The following ARHGEF40 variants were observed in gnomAD, a reference collection of about 807,000 sequenced individuals.
ARHGEF40 encodes Rho guanine nucleotide exchange factor (GEF) 40.
Under a neutral mutation model 165.9 loss-of-function variants are expected in ARHGEF40, and 98 were observed. The ratio of observed to expected loss-of-function variants is 0.59; its 90% CI spans 0.50 to 0.70. The LOEUF (loss-of-function observed/expected upper bound fraction) is 0.70, where lower values mean the gene tolerates loss of function less well. Among genes scored for constraint, ARHGEF40 ranks in the 30% least tolerant of loss-of-function variants. ARHGEF40 has a pLI of 0.00. For synonymous variants in ARHGEF40, 792 were observed against 814.3 expected (o/e 0.97, Z 0.47); for missense variants, 1,815 against 1,968.0 (o/e 0.92, Z 1.47).
In ARHGEF40 at chr14:21,088,846, T is replaced by G; in HGVS notation, c.4535T>G (p.Leu1512Arg). Residue 1512 changes from leucine to arginine, a missense_variant, in exon 23 of 24, where the codon CTG becomes CGG. Leu to Arg is a moderately radical substitution (Grantham distance 102, BLOSUM62 -2). Transcript: ENST00000298694. Reference protein sequence around the residue: ...GLSRQSHARALSDPTTPL With the variant: ...GLSRQSHARARSDPTTPL Reference sequence around the variant, plus strand: ...TCCCCCCAGAGTCATGCTCGAGCCCTGAGTGACCCCACCACGCCTCTGTGA... The same window carrying G: ...TCCCCCCAGAGTCATGCTCGAGCCCGGAGTGACCCCACCACGCCTCTGTGA... 1 of 1,613,306 alleles carries G rather than the reference T, an allele frequency of 6.2e-7. No individual in the cohort carries two copies. The highest frequency in any genetic ancestry group is 8.5e-7 in the Non-Finnish European group (1 of 1,179,418).
chr14:21,073,030 G>A lies in ARHGEF40; in HGVS notation c.4-15G>A, dbSNP rs1238860679. The A allele has an allele frequency of 6.2e-7, 1 of 1,611,384 alleles. No individual in the cohort carries two copies. Among genetic ancestry groups the A allele is most frequent in the African/African-American group, 1.3e-5 (1 of 74,974 alleles). ...GTGATCTCTAGGGATCTGTAGCCTG[G>A]TCCTATCTCTACAGGAGCCTGAGCC... On this transcript the variant is annotated splice_polypyrimidine_tract_variant and intron_variant, in intron 1 of 23. Coordinates refer to ENST00000298694, the MANE Select transcript of ARHGEF40 (RefSeq NM_018071.5). This position sits in a 1 kb window ranked among gnomAD's most constrained non-coding sequence, Gnocchi z 4.6.
chr14:21,061,986 CTT>C, the ARHGEF40 span, among the ~76,000 whole-genome samples: 1 of 152,168 alleles, frequency 6.6e-6, no homozygotes, highest in East Asian at 1.9e-4. Context: ...TAAAATATCT[CTT>C]TTAATGTTTA....
chr14:21,074,690 A>C lies in ARHGEF40; in HGVS notation c.960A>C (p.Pro320=), dbSNP rs368911475. ...CCGGAGCCTCCCCTGAGTCTCCCCC[A>C]GGAGCTGAGGCTGTCCCAGAGGCAG... ...SSTGASPESP[P]GAEAVPEAAV... The change falls in exon 3 of 24, where the codon CCA becomes CCC. Residue 320 remains proline, a synonymous_variant. Coordinates refer to ENST00000298694, the MANE Select transcript of ARHGEF40 (RefSeq NM_018071.5). The surrounding 1 kb of genome is among the most constrained non-coding windows in gnomAD (Gnocchi z 4.8). The C allele has an allele frequency of 1.9e-6, 3 of 1,583,916 alleles. No homozygotes were observed. The highest frequency in any genetic ancestry group is 2.6e-6 in the Non-Finnish European group (3 of 1,166,274).
rs780441288 is a variant in ARHGEF40, at chr14:21,080,674, C to T, written c.2388C>T (p.Leu796=). 8.1e-6 allele frequency: 13 copies of T among 1,610,698 alleles called. No individual in the cohort carries two copies. Among genetic ancestry groups the T allele is most frequent in the Non-Finnish European group, 5.9e-6 (7 of 1,179,140 alleles). The change falls in exon 12 of 24, where the codon CTC becomes CTT. Residue 796 remains leucine (L), a synonymous_variant. Transcript: ENST00000298694. ...ATCTGCCTCAGGTGTTGCAGTGGCTCTCGGGCCCAGGGGAGGAGCAGCTGG... is the reference window on the plus strand; with the variant it reads ...ATCTGCCTCAGGTGTTGCAGTGGCTTTCGGGCCCAGGGGAGGAGCAGCTGG... The part of the protein sequence containing the change: ...LRRLQQVLQW[L]SGPGEEQLAS...
intron 19 of ARHGEF40, 193 bp from the exon 20 acceptor site, chr14:21,086,808 A>G: frequency 1.8e-6 from 1 of 558,972 alleles, no homozygotes; most frequent in East Asian, 2.9e-5. Flanking sequence ...CTGAGGAGGA[A>G]GTCACACCAT....
chr14:21,064,865 C>T, the ARHGEF40 span, among the ~76,000 whole-genome samples: 13 of 152,200 alleles, frequency 8.5e-5, no homozygotes, highest in African/African-American at 2.7e-4. Context: ...TGATGGTCCA[C>T]ATCTGTCTTA....
At chr14:21,063,487 T>C in the ARHGEF40 span, among the ~76,000 whole-genome samples, 4 of 152,266 alleles carry the variant, frequency 2.6e-5, no homozygotes, top group South Asian at 6.2e-4. Context: ...GGGGGTCTTA[T>C]GCGTATGTTC....
upstream of ARHGEF40, among the ~76,000 whole-genome samples, chr14:21,069,538 T>G (rs1370659585): frequency 6.6e-6 from 1 of 152,156 alleles, no homozygotes; most frequent in Non-Finnish European, 1.5e-5. Context: ...TGCACGCCCC[T>G]ACATAAGCAT....
At position 21,089,816 on chromosome 14, in the gene ARHGEF40, A is replaced by G. The variant is rs1406293785; in HGVS notation, c.*808A>G. On this transcript the variant is annotated 3_prime_UTR_variant, in exon 24 of 24. Transcript: ENST00000298694. ...TTGAGGCTGAACTGGTCACAGACAAACTGGGATCCAGCACAGTCCAGCAGT... is the reference window on the plus strand; with the variant it reads ...TTGAGGCTGAACTGGTCACAGACAAGCTGGGATCCAGCACAGTCCAGCAGT... The G allele has an allele frequency of 1.3e-5, 2 of 156,496 alleles. No individual in the cohort carries two copies. Among genetic ancestry groups the G allele is most frequent in the Non-Finnish European group, 2.8e-5 (2 of 70,804 alleles). The allele number at this position is 156,496 out of a possible 1,614,324, so 9.7% of individuals were successfully genotyped here.
rs540577398 is a variant in ARHGEF40, at chr14:21,089,065, G to A, written c.*57G>A. Reference sequence around the variant, plus strand: ...TCTCCTCTCAGCACACTTTGGGCTGGGATGGCAGTGGGGCATAATGGAGCC... The same window carrying A: ...TCTCCTCTCAGCACACTTTGGGCTGAGATGGCAGTGGGGCATAATGGAGCC... On this transcript the variant is annotated 3_prime_UTR_variant, in exon 24 of 24. Transcript: ENST00000298694. The A allele has an allele frequency of 1.6e-5, 9 of 556,758 alleles. No homozygotes were observed. The East Asian group carries it at 2.8e-4, about 18-fold the overall frequency. The allele number at this position is 556,758 out of a possible 1,614,324, so 34.5% of individuals were successfully genotyped here. A position where few individuals can be genotyped will look rare whatever the true frequency, so the allele number is the denominator to read the frequency against.
At chr14:21,064,939 G>A in the ARHGEF40 span, among the ~76,000 whole-genome samples, 5 of 152,184 alleles carry the variant, frequency 3.3e-5, no homozygotes, top group Admixed American at 2.6e-4. Context: ...GGGAGGCAGA[G>A]GCAGGCAGAT....
rs1484303593 is a variant in ARHGEF40 at position 21,075,495 on chromosome 14, G to T, written c.1614G>T (p.Leu538=). The T allele has an allele frequency of 1.2e-6, 2 of 1,614,068 alleles. No homozygotes were observed. The highest frequency in any genetic ancestry group is 1.7e-6 in the Non-Finnish European group (2 of 1,180,044). The change falls in exon 4 of 24, where the codon CTG becomes CTT. Residue 538 remains leucine, a synonymous_variant. Transcript: ENST00000298694. The surrounding 1 kb of genome is among the most constrained non-coding windows in gnomAD (Gnocchi z 4.5). ...TGATGGCATCTGGATTCCTCATCCTGACGGGTCAGTGGGCATCAGTGGGTG... is the reference window on the plus strand; with the variant it reads ...TGATGGCATCTGGATTCCTCATCCTTACGGGTCAGTGGGCATCAGTGGGTG... The part of the protein sequence containing the change: ...WDLMASGFLI[L]TGGVDQSGRA...
At chr14:21,070,255 A>G (rs1307477022), upstream of ARHGEF40, 8 of 916,492 alleles carry the variant, frequency 8.7e-6, no homozygotes, top group Non-Finnish European at 1.1e-5. This position sits in a 1 kb window ranked among gnomAD's most constrained non-coding sequence, Gnocchi z 4.7. Context: ...CGCGGCCTGG[A>G]AGCCGGAGCG....
At chr14:21,085,094 C>T (rs569083988) in intron 18 of ARHGEF40, among the ~76,000 whole-genome samples, 171 bp downstream of exon 18, 1 of 152,238 alleles carries the variant, frequency 6.6e-6, no homozygotes, top group East Asian at 1.9e-4. Context: ...GTTAGAAGTC[C>T]CTGTCTTTGG....
At position 21,081,786 on chromosome 14, in the gene ARHGEF40, C is replaced by T. The variant is rs757305316; in HGVS notation, c.2918C>T (p.Ala973Val). 5.0e-6 allele frequency: 8 copies of T among 1,596,902 alleles called. No homozygotes were observed. The African/African-American group carries it at 1.1e-4, about 21-fold the overall frequency. The part of the protein sequence containing the change: ...RGYRRRRADG[A>V]SSGGAQWGPR... ...TACCGACGACGGCGGGCAGACGGTG[C>T]CAGCAGTGGAGGGGCCCAGTGGGGG... Residue 973 changes from alanine (A) to valine (V), a missense_variant, in exon 14 of 24, where the codon GCC becomes GTC. Ala to Val is a moderately conservative substitution (Grantham distance 64). Transcript: ENST00000298694.
At chr14:21,077,601 C>T (rs866850455) in intron 8 of ARHGEF40, among the ~76,000 whole-genome samples, 5 of 152,218 alleles carry the variant, frequency 3.3e-5, no homozygotes, top group Middle Eastern at 6.8e-3. Flanking sequence ...TTTCTGTATC[C>T]GCTCCTTGCA....
chr14:21,082,939 A>G (rs1273811499), intron 16 of ARHGEF40, 22 bp downstream of exon 16: 13 of 1,608,684 alleles, frequency 8.1e-6, no homozygotes, highest in African/African-American at 1.3e-5. Flanking sequence ...TCCAACCTTC[A>G]GGAGAAAAGT....
At position 21,076,350 on chromosome 14, in the gene ARHGEF40, G is replaced by T. The variant is rs772975629; in HGVS notation, c.1740-10G>T. 1.2e-6 allele frequency: 2 copies of T among 1,612,102 alleles called. No homozygotes were observed. The highest frequency in any genetic ancestry group is 3.3e-5 in the Admixed American group (2 of 59,990). ...CACAGCAGCCTCCTTGGCTCTTCCT[G>T]CTCCCGCAGGCCTGATCTACAGACA... On this transcript the variant is annotated splice_polypyrimidine_tract_variant and intron_variant, in intron 5 of 23. Transcript: ENST00000298694.
intron 16 of ARHGEF40, 23 bp from the exon 17 acceptor site, chr14:21,083,812 C>A: frequency 1.9e-6 from 3 of 1,603,236 alleles, no homozygotes; most frequent in Non-Finnish European, 2.6e-6. Flanking sequence ...CTCCCCTCAT[C>A]CCTGTCTGTG....
Sources: gnomAD v4.1 joint callset for allele counts (sites outside exome capture counted in the v4.1 genomes callset) on GRCh38, gnomAD v4.1.1 for gene constraint, Gnocchi (gnomAD v3.1) non-coding constraint, MANE v1.5 for transcripts, NCBI Gene and HGNC (gene_info 2026-07-23, HGNC 2026-07-21) for gene names.